The following CEP170B variants were observed in gnomAD, a reference collection of about 807,000 sequenced individuals.
CEP170B encodes centrosomal protein 170B, also known as centrosomal protein of 170 kDa protein B.
In CEP170B, 55 loss-of-function variants were observed where a neutral mutation model predicts 120.6. The ratio of observed to expected loss-of-function variants is 0.46; its 90% CI spans 0.37 to 0.57. The LOEUF (loss-of-function observed/expected upper bound fraction) is 0.57, where lower values mean the gene tolerates loss of function less well. Among genes scored for constraint, CEP170B ranks in the 20% least tolerant of loss-of-function variants. The pLI, the probability that CEP170B is intolerant of heterozygous loss-of-function variation, is 0.00. For synonymous variants in CEP170B, 1,033 were observed against 954.5 expected, an observed-to-expected ratio of 1.08 and a Z score of -1.52; for missense variants, 2,212 against 2,253.3, an observed-to-expected ratio of 0.98 and a Z score of 0.37.
intron 2 of CEP170B, among the ~76,000 whole-genome samples, chr14:104,874,273 G>A (rs896533518): frequency 6.6e-6 from 1 of 152,134 alleles, no homozygotes. Flanking sequence ...CAACCCCTCC[G>A]GCAGAGACTG....
intron 12 of CEP170B, 104 bp from the exon 13 acceptor site, chr14:104,889,516 C>T (rs1374224541): frequency 1.9e-6 from 3 of 1,574,920 alleles, no homozygotes; most frequent in Non-Finnish European, 2.6e-6. Flanking sequence ...CTCACCAAGA[C>T]ACGAGGCGCC....
rs777936341 is a variant in CEP170B at position 104,893,748 on chromosome 14, C to T, written c.4183-13C>T. 10 of 1,602,106 alleles carry T rather than the reference C, an allele frequency of 6.2e-6. No individual in the cohort carries two copies. The highest frequency in any genetic ancestry group is 2.2e-5 in the South Asian group (2 of 89,130). ...CTCGAGGGCGGGGCCATGCTGAGGC[C>T]GGGCTCTTGCAGGTGATCTTCGATA... On this transcript the variant is annotated splice_polypyrimidine_tract_variant and intron_variant, in intron 15 of 18. Coordinates refer to ENST00000414716, the MANE Select transcript of CEP170B (RefSeq NM_001112726.3).
At chr14:104,890,345 T>TGG (rs1896758404) in intron 13 of CEP170B, among the ~76,000 whole-genome samples, 1 of 22,308 alleles carries the variant, frequency 4.5e-5, no homozygotes, top group African/African-American at 1.9e-4. Flanking sequence ...TGGATGAGTG[T>TGG]GTGGATGGAT....
Position 104,894,879 on chromosome 14 carries a change from T to G in CEP170B, c.4586T>G (p.Phe1529Cys), listed in dbSNP as rs1427243622. 1.9e-6 allele frequency: 3 copies of G among 1,606,122 alleles called. No individual in the cohort carries two copies. The highest frequency in any genetic ancestry group is 2.5e-6 in the Non-Finnish European group (3 of 1,177,108). The part of the protein sequence containing the change: ...ALLPALPLRN[F>C]PQRASCGPPS... Reference sequence around the variant, plus strand: ...CTGCCAGCCCTGCCCCTGAGGAATTTCCCACAGCGGGCCAGCTGTGGGCCT... The same window carrying G: ...CTGCCAGCCCTGCCCCTGAGGAATTGCCCACAGCGGGCCAGCTGTGGGCCT... Residue 1529 changes from phenylalanine to cysteine, a missense_variant, in exon 19 of 19, where the codon TTC becomes TGC. This residue lies in a region of CEP170B where 2,166 missense variants were observed against 2,166.7 expected (regional missense o/e 1.00). Coordinates refer to ENST00000414716, the MANE Select transcript of CEP170B (RefSeq NM_001112726.3).
chr14:104,893,122 C>T lies in CEP170B; in HGVS notation c.4025C>T (p.Ser1342Phe). The change falls in exon 14 of 19, where the codon TCT becomes TTT. Residue 1342 changes from serine (S) to phenylalanine (F), a missense_variant. Transcript: ENST00000414716. ...NMPSTPASTI[S>F]AREELVQRIP... ...CCCAGCACCCCCGCCTCGACCATCT[C>T]TGCCCGGGAGGAGGTGAGCCCCAGG... is the stretch of plus-strand genomic sequence containing the variant. 6.2e-7 allele frequency: 1 copy of T among 1,609,238 alleles called. No homozygotes were observed. The highest frequency in any genetic ancestry group is 8.5e-7 in the Non-Finnish European group (1 of 1,179,150).
intron 13 of CEP170B, 21 bp from the exon 14 acceptor site, chr14:104,892,955 C>T (rs759398705): frequency 1.1e-5 from 17 of 1,553,496 alleles, no homozygotes; most frequent in Middle Eastern, 1.7e-4. Context: ...CAGAACCTGC[C>T]GTCTTTCCTG....
At chr14:104,892,150 C>T (rs534337572) in intron 13 of CEP170B, among the ~76,000 whole-genome samples, 36 of 152,238 alleles carry the variant, frequency 2.4e-4, no homozygotes, top group Middle Eastern at 3.4e-3. Flanking sequence ...AGCCTAGGTC[C>T]CCACGGCCTG....
intron 2 of CEP170B, among the ~76,000 whole-genome samples, chr14:104,871,105 G>A (rs1221021686): frequency 6.6e-6 from 1 of 151,566 alleles, no homozygotes; most frequent in African/African-American, 2.4e-5. Flanking sequence ...TGGCACCTGC[G>A]CCAGGACCCC....
chr14:104,895,082 T>C lies in CEP170B; in HGVS notation c.*124T>C. The C allele has an allele frequency of 8.5e-7, 1 of 1,171,242 alleles. No individual in the cohort carries two copies. The highest frequency in any genetic ancestry group is 1.6e-5 in the South Asian group (1 of 60,798). 72.6% of individuals were successfully genotyped at this position (1,171,242 alleles called of 1,614,324 possible). ...GACCCCCACATGTGCCATATCCCTGTGGGCGGGTGCCTCCCACGCCCTTGC... is the reference window on the plus strand; with the variant it reads ...GACCCCCACATGTGCCATATCCCTGCGGGCGGGTGCCTCCCACGCCCTTGC... On this transcript the variant is annotated 3_prime_UTR_variant, in exon 19 of 19. Coordinates refer to ENST00000414716, the MANE Select transcript of CEP170B (RefSeq NM_001112726.3).
chr14:104,894,593 G>A lies in CEP170B; in HGVS notation c.4417+5G>A. The A allele has an allele frequency of 1.9e-6, 3 of 1,612,122 alleles. No individual in the cohort carries two copies. Among genetic ancestry groups the A allele is most frequent in the Non-Finnish European group, 2.5e-6 (3 of 1,178,840 alleles). ...GGGTGCAGAAACAGCTGGAAGGTGA[G>A]TGTGGCCCAAGCCTGGGGCAGCAAG... On this transcript the variant is annotated splice_donor_5th_base_variant and intron_variant, in intron 18 of 18. Coordinates refer to ENST00000414716, the MANE Select transcript of CEP170B (RefSeq NM_001112726.3).
chr14:104,885,429 G>C lies in CEP170B; in HGVS notation c.1831G>C (p.Val611Leu). 6.4e-7 allele frequency: 1 copy of C among 1,565,320 alleles called. No individual in the cohort carries two copies. Among genetic ancestry groups the C allele is most frequent in the Non-Finnish European group, 8.7e-7 (1 of 1,155,544 alleles). The stretch of plus-strand genomic sequence containing the variant: ...GGCATCTTCGGCCACCTTTCGCCCA[G>C]TCATCAGAGGGGACAGAGATGAGTC... ...SRASSATFRPVIRGDRDESDD... is the reference protein window; with the variant it reads ...SRASSATFRPLIRGDRDESDD... Residue 611 changes from valine (V) to leucine (L), a missense_variant, in exon 10 of 19, where the codon GTC becomes CTC. Val to Leu is a conservative substitution (Grantham distance 32). Coordinates refer to ENST00000414716, the MANE Select transcript of CEP170B (RefSeq NM_001112726.3).
In CEP170B at chr14:104,896,681, A is replaced by G; in HGVS notation, c.*1723A>G. 2.2e-6 allele frequency: 1 copy of G among 455,830 alleles called. No individual in the cohort carries two copies. Among genetic ancestry groups the G allele is most frequent in the Admixed American group, 2.4e-5 (1 of 42,522 alleles). 28.2% of individuals were successfully genotyped at this position (455,830 alleles called of 1,614,324 possible). On this transcript the variant is annotated 3_prime_UTR_variant, in exon 19 of 19. Coordinates refer to ENST00000414716, the MANE Select transcript of CEP170B (RefSeq NM_001112726.3). ...AGGTGGTCTTGTGGCTGTCTTTCGG[A>G]AAATGGTTATTTTATATGATTTGTC... is the stretch of plus-strand genomic sequence containing the variant.
rs1897070602 is a variant in CEP170B, at chr14:104,896,285, TCCTCTGAGC to T, written c.*1329_*1337del. 1 of 146,016 alleles carries T rather than the reference TCCTCTGAGC, an allele frequency of 6.8e-6. No individual in the cohort carries two copies. Among genetic ancestry groups the T allele is most frequent in the African/African-American group, 2.3e-4 (1 of 4,302 alleles). 9.0% of individuals were successfully genotyped at this position (146,016 alleles called of 1,614,324 possible). A position where few individuals can be genotyped will look rare whatever the true frequency, so the allele number is the denominator to read the frequency against. ...CTGGGGTTGGGTGTACGGGTTCTGT[TCCTCTGAGC>T]CTGCGGCCCACCTGATGTTTACGTG... On this transcript the variant is annotated 3_prime_UTR_variant, in exon 19 of 19. Transcript: ENST00000414716.
chr14:104,886,385 G>C lies in CEP170B; in HGVS notation c.2146G>C (p.Glu716Gln). 6.3e-7 allele frequency: 1 copy of C among 1,582,712 alleles called. No individual in the cohort carries two copies. ...GAGGGCTGACAGCCCTGCGGGCCCA[G>C]AGAGCAGCAGGAGGAGTGGGCCTGG... ...SERADSPAGP[E>Q]SSRRSGPGPP... is the part of the protein sequence containing the mutation. The change falls in exon 12 of 19, where the codon GAG (glutamate) becomes CAG (glutamine). Residue 716 changes from glutamate (E) to glutamine (Q), a missense_variant. Around this residue, in one of 2 missense-constraint regions of CEP170B, gnomAD observed 2,166 missense variants for 2,166.7 expected, o/e 1.00. Coordinates refer to ENST00000414716, the MANE Select transcript of CEP170B (RefSeq NM_001112726.3).
rs1211959994 is a variant in CEP170B at position 104,867,631 on chromosome 14, A to C, written c.-27-793A>C. Among the ~76,000 whole-genome samples, 3 of 152,024 alleles carry C rather than the reference A, an allele frequency of 2.0e-5. No individual in the cohort carries two copies. The highest frequency in any genetic ancestry group is 2.9e-5 in the Non-Finnish European group (2 of 67,980). On this transcript the variant is annotated intron_variant, in intron 1 of 18. Coordinates refer to ENST00000414716, the MANE Select transcript of CEP170B (RefSeq NM_001112726.3). This position sits in a 1 kb window ranked among gnomAD's most constrained non-coding sequence, Gnocchi z 5.4. Reference sequence around the variant, plus strand: ...GCCCAGGGTTGGGTCTTGGGGTGACATCAGCCCTGGCCATTACTCAGGCTG... The same window carrying C: ...GCCCAGGGTTGGGTCTTGGGGTGACCTCAGCCCTGGCCATTACTCAGGCTG...
In CEP170B at chr14:104,884,105, T is replaced by C. The variant is rs1261820619; in HGVS notation, c.1326T>C (p.Asp442=). The part of the protein sequence containing the change: ...ADKRRGPTPA[D]RDRPSVPAPV... ...AGCGCCGTGGCCCAACGCCGGCCGA[T>C]AGGGACCGCCCCAGTGTCCCAGCCC... Residue 442 remains aspartate (D), a synonymous_variant, in exon 9 of 19, where the codon GAT becomes GAC. Transcript: ENST00000414716. The C allele has an allele frequency of 1.9e-6, 3 of 1,578,896 alleles. No individual in the cohort carries two copies. The highest frequency in any genetic ancestry group is 2.6e-6 in the Non-Finnish European group (3 of 1,162,888).
Position 104,885,536 on chromosome 14 carries a change from G to GC in CEP170B, c.1939dup (p.His647ProfsTer24). 6.4e-7 allele frequency: 1 copy of GC among 1,562,186 alleles called. No individual in the cohort carries two copies. Among genetic ancestry groups the GC allele is most frequent in the Non-Finnish European group, 8.6e-7 (1 of 1,158,552 alleles). Reference sequence around the variant, plus strand: ...CACTGGGTGCGGCCCCCCAGGCGGAGCACCAGGTACAGGCACAGACGGCCA... The same window carrying GC: ...CACTGGGTGCGGCCCCCCAGGCGGAGCCACCAGGTACAGGCACAGACGGCCA... On this transcript the variant is annotated frameshift_variant, in exon 10 of 19. Coordinates refer to ENST00000414716, the MANE Select transcript of CEP170B (RefSeq NM_001112726.3). LOFTEE classifies it high-confidence loss of function.
At position 104,894,275 on chromosome 14, in the gene CEP170B, C is replaced by T; in HGVS notation, c.4272-10C>T. 9.9e-6 allele frequency: 16 copies of T among 1,609,026 alleles called. No individual in the cohort carries two copies. The highest frequency in any genetic ancestry group is 1.4e-5 in the Non-Finnish European group (16 of 1,175,680). On this transcript the variant is annotated splice_polypyrimidine_tract_variant and intron_variant, in intron 16 of 18. Coordinates refer to ENST00000414716, the MANE Select transcript of CEP170B (RefSeq NM_001112726.3). ...GTCCCCCCATTTCTGCCTCCCCCTA[C>T]CTCGGACAGGATCCTCTTTCAGAAC... is the stretch of plus-strand genomic sequence containing the variant.
rs1895423637 is a variant in CEP170B at position 104,870,582 on chromosome 14, C to T, written c.105+2027C>T. Among the ~76,000 whole-genome samples, 2 of 152,146 alleles carry T rather than the reference C, an allele frequency of 1.3e-5. No individual in the cohort carries two copies. The highest frequency in any genetic ancestry group is 4.8e-5 in the African/African-American group (2 of 41,428). On this transcript the variant is annotated intron_variant, in intron 2 of 18. Transcript: ENST00000414716. The surrounding 1 kb of genome is among the most constrained non-coding windows in gnomAD (Gnocchi z 4.1). ...TGCAGGCAGGGGACTGGTGTGGGTG[C>T]TCTTCCTGCCCCACCCCTGCACCAG...
Sources: allele counts gnomAD v4.1 joint callset (sites outside exome capture counted in the v4.1 genomes callset), GRCh38; gene constraint gnomAD v4.1.1; regional missense constraint gnomAD v4.1.1; non-coding constraint Gnocchi (gnomAD v3.1); transcripts MANE v1.5; gene names NCBI Gene and HGNC (gene_info 2026-07-23, HGNC 2026-07-21).